TRPS1: variants seen among roughly 807,000 people sequenced by gnomAD.
The protein encoded by TRPS1 is zinc finger transcription factor Trps1.
Under a neutral mutation model 101.2 loss-of-function variants are expected in TRPS1, and 6 were observed. The observed-to-expected ratio is 0.06, with a 90% confidence interval of 0.03 to 0.12. The LOEUF is 0.12. Ranked by LOEUF, TRPS1 falls within the 10% of genes least tolerant of loss-of-function variation. The pLI, the probability that TRPS1 is intolerant of heterozygous loss-of-function variation, is 1.00. For synonymous variants in TRPS1, 578 were observed against 589.8 expected, an observed-to-expected ratio of 0.98 and a Z score of 0.29; for missense variants, 1,363 against 1,567.0, an observed-to-expected ratio of 0.87 and a Z score of 2.20.
chr8:115,466,730 A>G (rs2129996232), intron 5 of TRPS1, among the ~76,000 whole-genome samples: 1 of 152,256 alleles, frequency 6.6e-6, no homozygotes, highest in South Asian at 2.1e-4. Flanking sequence ...TGTCCCTCCC[A>G]TTTTACAAAT....
intron 5 of TRPS1, among the ~76,000 whole-genome samples, chr8:115,469,559 C>T (rs552525025): frequency 1.1e-4 from 17 of 152,022 alleles, no homozygotes; most frequent in South Asian, 6.2e-4. Context: ...AGTGCAGTGG[C>T]GTGATCCCAG....
chr8:115,644,676 C>A (rs1444026300), intron 1 of TRPS1, among the ~76,000 whole-genome samples: 1 of 152,176 alleles, frequency 6.6e-6, no homozygotes, highest in Non-Finnish European at 1.5e-5. Flanking sequence ...CACAAGAGGC[C>A]TAGTTTTTGG....
chr8:115,461,361 AT>A (rs1814172767), intron 5 of TRPS1, among the ~76,000 whole-genome samples: 2 of 152,134 alleles, frequency 1.3e-5, no homozygotes, highest in African/African-American at 4.8e-5. Context: ...AAGTAGGTAG[AT>A]ATTTGACAGA....
intron 5 of TRPS1, among the ~76,000 whole-genome samples, chr8:115,506,391 A>C (rs1337092201): frequency 6.6e-6 from 1 of 152,066 alleles, no homozygotes; most frequent in Non-Finnish European, 1.5e-5. Context: ...TGATTTTGTT[A>C]ATCAAACTCA....
At chr8:115,527,184 C>G (rs969143904) in intron 5 of TRPS1, among the ~76,000 whole-genome samples, 1 of 150,756 alleles carries the variant, frequency 6.6e-6, no homozygotes, top group African/African-American at 2.4e-5. Context: ...AGCCCTCAGC[C>G]TTTTTTTTTC....
chr8:115,500,887 A>G (rs1815301036), intron 5 of TRPS1, among the ~76,000 whole-genome samples: 1 of 152,178 alleles, frequency 6.6e-6, no homozygotes, highest in Non-Finnish European at 1.5e-5. Context: ...CTTGGTTTTA[A>G]TGACAATATA....
intron 5 of TRPS1, among the ~76,000 whole-genome samples, chr8:115,435,007 T>C (rs184219353): frequency 3.9e-5 from 6 of 152,340 alleles, no homozygotes; most frequent in Admixed American, 2.0e-4. Context: ...ATAAGAAATG[T>C]GCTCTTATTT....
In TRPS1 at chr8:115,498,395, CTCTCTCTCTCTCTCTCTCTCTATATA is replaced by C. The variant is rs1445024858; in HGVS notation, c.2701-79969_2701-79944del. ...CCCGTCTCTCTCTCTCTCTCTCTCT[CTCTCTCTCTCTCTCTCTCTCTATATA>C]TATATATATATATATATATATATAT... On this transcript the variant is annotated intron_variant, in intron 5 of 6. Transcript: ENST00000395715. 5.1e-5 allele frequency among the ~76,000 whole-genome samples: 4 copies of C among 78,918 alleles called. No individual in the cohort carries two copies. In the South Asian group the frequency reaches 1.6e-3, roughly 31 times the overall value. The allele number at this position is 78,918 out of a possible 152,430, so 51.8% of individuals were successfully genotyped here. A position where few individuals can be genotyped will look rare whatever the true frequency, so the allele number is the denominator to read the frequency against.
chr8:115,451,127 T>C (rs2129926969), intron 5 of TRPS1, among the ~76,000 whole-genome samples: 1 of 152,324 alleles, frequency 6.6e-6, no homozygotes, highest in African/African-American at 2.4e-5. Context: ...GCAAAGAAGG[T>C]AAAACCTGTA....
intron 5 of TRPS1, among the ~76,000 whole-genome samples, chr8:115,531,808 G>A (rs573418231): frequency 3.3e-5 from 5 of 152,254 alleles, no homozygotes; most frequent in South Asian, 2.1e-4. Flanking sequence ...TAAAAGGATC[G>A]CTGAGCACAA....
intron 1 of TRPS1, among the ~76,000 whole-genome samples, chr8:115,664,088 A>C (rs948956490): frequency 3.3e-5 from 5 of 152,098 alleles, no homozygotes; most frequent in African/African-American, 1.2e-4. Flanking sequence ...CAAACAAATG[A>C]CTTTGGCCCT....
intron 5 of TRPS1, among the ~76,000 whole-genome samples, chr8:115,579,098 T>C (rs1339945272): frequency 1.3e-5 from 2 of 152,098 alleles, no homozygotes; most frequent in Admixed American, 6.6e-5. Flanking sequence ...GGGATAATAA[T>C]AGTTTCAACC....
chr8:115,457,265 A>G (rs1327066326), intron 5 of TRPS1, among the ~76,000 whole-genome samples: 1 of 152,218 alleles, frequency 6.6e-6, no homozygotes, highest in Non-Finnish European at 1.5e-5. Flanking sequence ...ACAATAGAAT[A>G]TTATACAGCC....
chr8:115,613,146 T>G (rs1447695742), intron 3 of TRPS1, among the ~76,000 whole-genome samples: 3 of 152,198 alleles, frequency 2.0e-5, no homozygotes, highest in East Asian at 1.9e-4. Context: ...AAATGTCCCT[T>G]AATTTGGGGA....
In TRPS1 at chr8:115,605,006, G is replaced by C. The variant is rs552559725; in HGVS notation, c.967-4C>G. On this transcript the variant is annotated splice_polypyrimidine_tract_variant and splice_region_variant and intron_variant, in intron 3 of 6. Coordinates refer to ENST00000395715, the MANE Select transcript of TRPS1 (RefSeq NM_014112.5). The stretch of plus-strand genomic sequence containing the variant: ...TGAATGTTCCACCTGAAGTCACCTG[G>C]AGAACAGAAGAAATGGACTTTACTT... 7 of 1,612,372 alleles carry C rather than the reference G, an allele frequency of 4.3e-6. No homozygotes were observed. The African/African-American group carries it at 5.3e-5, about 12-fold the overall frequency.
chr8:115,581,299 A>G (rs1485174463), intron 5 of TRPS1, among the ~76,000 whole-genome samples: 4 of 152,128 alleles, frequency 2.6e-5, no homozygotes, highest in African/African-American at 7.2e-5. Flanking sequence ...GTTGAAGGAT[A>G]TGAAGTTATA....
chr8:115,479,427 T>A (rs1404327479), intron 5 of TRPS1, among the ~76,000 whole-genome samples: 1 of 152,164 alleles, frequency 6.6e-6, no homozygotes, highest in African/African-American at 2.4e-5. Flanking sequence ...TATAGTGGTT[T>A]GCACAGTGAA....
At chr8:115,505,821 T>C (rs1815428757) in intron 5 of TRPS1, among the ~76,000 whole-genome samples, 1 of 152,106 alleles carries the variant, frequency 6.6e-6, no homozygotes, top group Admixed American at 6.6e-5. Context: ...ACGTAGGACA[T>C]ATAGATTGAA....
intron 5 of TRPS1, among the ~76,000 whole-genome samples, chr8:115,432,481 A>T (rs1813345746): frequency 6.6e-6 from 1 of 151,792 alleles, no homozygotes; most frequent in South Asian, 2.1e-4. Context: ...CAGACATATA[A>T]TTTTTATTCA....
Sources: gnomAD v4.1 joint callset for allele counts (sites outside exome capture counted in the v4.1 genomes callset) on GRCh38, gnomAD v4.1.1 for gene constraint, MANE v1.5 for transcripts, NCBI Gene and HGNC (gene_info 2026-07-23, HGNC 2026-07-21) for gene names.